Variants in RBMS1 observed in about 807,000 individuals in gnomAD.
RBMS1 encodes RNA binding motif single stranded interacting protein 1.
RBMS1 carries 17 observed loss-of-function variants against 62.3 expected under a neutral mutation model. That is an observed-to-expected ratio of 0.27 (90% CI 0.19 to 0.41). The LOEUF is 0.41. Ranked by LOEUF, RBMS1 falls within the 10% of genes least tolerant of loss-of-function variation. RBMS1 has a pLI of 1.00. For synonymous variants in RBMS1, 172 were observed against 170.0 expected (o/e 1.01, Z -0.09); for missense variants, 334 against 504.5 (o/e 0.66, Z 3.24).
At chr2:160,374,225 A>G (rs1442942271) in intron 1 of RBMS1, among the ~76,000 whole-genome samples, 1 of 152,240 alleles carries the variant, frequency 6.6e-6, no homozygotes, top group Non-Finnish European at 1.5e-5. Context: ...ACTGCACTCC[A>G]GCCTGGGTAA....
rs938322843 is a variant in RBMS1, at chr2:160,406,233, A to G, written c.76-38842T>C. On this transcript the variant is annotated intron_variant, in intron 1 of 13. Transcript: ENST00000348849. ...AAGTTAACATAGAAAAGAACCAAAG[A>G]CCAGAAGGCAGAAAACATTTCTTTT... Among the ~76,000 whole-genome samples the G allele has an allele frequency of 1.1e-3, 164 of 152,182 alleles. 4 individuals are homozygous for G. Among genetic ancestry groups the G allele is most frequent in the Admixed American group, 0.011 (164 of 15,286 alleles).
chr2:160,377,650 T>G (rs1005439575), intron 1 of RBMS1, among the ~76,000 whole-genome samples: 18 of 152,172 alleles, frequency 1.2e-4, no homozygotes, highest in African/African-American at 3.6e-4. Flanking sequence ...GGGAGGGGTA[T>G]GAGGGATCAT....
intron 1 of RBMS1, among the ~76,000 whole-genome samples, chr2:160,376,907 A>T (rs1247281085): frequency 6.6e-6 from 1 of 152,120 alleles, no homozygotes; most frequent in Non-Finnish European, 1.5e-5. Flanking sequence ...GCTTCAAGAG[A>T]TCCTCCTGCC....
At chr2:160,490,504 A>G (rs1473714783) in intron 1 of RBMS1, among the ~76,000 whole-genome samples, 1 of 152,040 alleles carries the variant, frequency 6.6e-6, no homozygotes, top group Non-Finnish European at 1.5e-5. Context: ...TCTTTCTGTC[A>G]AAGTACAAAG....
chr2:160,479,868 C>G (rs1285998122), intron 1 of RBMS1, among the ~76,000 whole-genome samples: 1 of 152,152 alleles, frequency 6.6e-6, no homozygotes, highest in African/African-American at 2.4e-5. Context: ...TCCTACTCAA[C>G]CTAGGCTAAC....
At chr2:160,353,525 C>G (rs1001820660) in intron 2 of RBMS1, among the ~76,000 whole-genome samples, 4 of 152,138 alleles carry the variant, frequency 2.6e-5, no homozygotes, top group Non-Finnish European at 5.9e-5. Flanking sequence ...CTTCGAAGAG[C>G]TTGTGTCAAG....
chr2:160,459,611 C>T (rs1553529938), intron 1 of RBMS1, among the ~76,000 whole-genome samples: 1 of 152,096 alleles, frequency 6.6e-6, no homozygotes, highest in Non-Finnish European at 1.5e-5. Flanking sequence ...TAACTGTTGA[C>T]CAAAATCATG....
intron 1 of RBMS1, among the ~76,000 whole-genome samples, chr2:160,480,474 G>A (rs889155577): frequency 2.6e-5 from 4 of 152,072 alleles, no homozygotes; most frequent in Admixed American, 6.5e-5. Context: ...TACAGATCTT[G>A]AAGAAATCAT....
At chr2:160,387,192 G>A (rs1034716266) in intron 1 of RBMS1, among the ~76,000 whole-genome samples, 1 of 152,182 alleles carries the variant, frequency 6.6e-6, no homozygotes, top group Admixed American at 6.5e-5. Flanking sequence ...CAGTATAGAA[G>A]TTAAAAATTT....
chr2:160,403,168 A>G (rs1050258208), intron 1 of RBMS1, among the ~76,000 whole-genome samples: 2 of 152,208 alleles, frequency 1.3e-5, no homozygotes, highest in African/African-American at 4.8e-5. Context: ...TATCATCATC[A>G]TGACTCATAG....
intron 1 of RBMS1, chr2:160,407,801 C>G: frequency 2.0e-6 from 2 of 981,294 alleles, no homozygotes; most frequent in Non-Finnish European, 2.4e-6. Flanking sequence ...GTGCCATGGA[C>G]GGGAGTTCGC....
At position 160,493,407 on chromosome 2, in the gene RBMS1, G is replaced by A. The variant is rs751054075; in HGVS notation, c.-44C>T. Reference sequence around the variant, plus strand: ...GCCGTGCAGGGTCGCGGACACTTTGGGGTTTCCAAGTCTCGGGCTCTCCTG... The same window carrying A: ...GCCGTGCAGGGTCGCGGACACTTTGAGGTTTCCAAGTCTCGGGCTCTCCTG... On this transcript the variant is annotated 5_prime_UTR_variant, in exon 1 of 14. Transcript: ENST00000348849. The A allele has an allele frequency of 1.9e-6, 3 of 1,590,840 alleles. No homozygotes were observed. The highest frequency in any genetic ancestry group is 2.2e-5 in the South Asian group (2 of 90,542).
intron 1 of RBMS1, among the ~76,000 whole-genome samples, chr2:160,411,746 G>A (rs1231541635): frequency 6.6e-6 from 1 of 152,100 alleles, no homozygotes; most frequent in East Asian, 1.9e-4. Context: ...TTTTTTTCCA[G>A]GTTTTATCAT....
chr2:160,311,250 A>ATCTATATATCTATATATC (rs1559361727), intron 4 of RBMS1, among the ~76,000 whole-genome samples: 15 of 131,566 alleles, frequency 1.1e-4, no homozygotes, highest in Admixed American at 3.1e-4. Flanking sequence ...ATATATATAT[A>ATCTATATATCTATATATC]TATATATAGT....
chr2:160,359,978 T>C (rs1333377916), intron 2 of RBMS1, among the ~76,000 whole-genome samples: 3 of 152,134 alleles, frequency 2.0e-5, no homozygotes, highest in Non-Finnish European at 2.9e-5. Context: ...TCCCAGCTAC[T>C]TGGGAGGCTG....
At chr2:160,418,106 T>C (rs2105264333) in intron 1 of RBMS1, among the ~76,000 whole-genome samples, 1 of 152,320 alleles carries the variant, frequency 6.6e-6, no homozygotes, top group South Asian at 2.1e-4. Context: ...TGAACCTAAA[T>C]CTATAGATAT....
At chr2:160,302,399 T>G (rs1047301410) in intron 5 of RBMS1, 1 of 151,924 alleles carries the variant, frequency 6.6e-6, no homozygotes, top group African/African-American at 2.4e-5. Context: ...CTCACTATGT[T>G]GCCCAGGCTG....
intron 2 of RBMS1, among the ~76,000 whole-genome samples, chr2:160,323,562 G>T (rs1690702239): frequency 1.4e-5 from 2 of 138,930 alleles, no homozygotes; most frequent in Admixed American, 1.6e-4. Context: ...ACACTCTAAG[G>T]ACACTAAGAA....
chr2:160,337,762 G>C (rs1691656858), intron 2 of RBMS1, among the ~76,000 whole-genome samples: 1 of 152,126 alleles, frequency 6.6e-6, no homozygotes, highest in Admixed American at 6.6e-5. Flanking sequence ...CTACTTGTCT[G>C]AGATACCAAA....
Sources: gnomAD v4.1 joint callset for allele counts (sites outside exome capture counted in the v4.1 genomes callset) on GRCh38, gnomAD v4.1.1 for gene constraint, MANE v1.5 for transcripts, NCBI Gene and HGNC (gene_info 2026-07-23, HGNC 2026-07-21) for gene names.